Variants in WDR6 observed in about 807,000 individuals in gnomAD.
WDR6 encodes WD repeat domain 6, also known as tRNA (34-2'-O)-methyltransferase regulator WDR6.
WDR6 carries 58 observed loss-of-function variants against 85.6 expected under a neutral mutation model. That is an observed-to-expected ratio of 0.68 (90% CI 0.55 to 0.84). WDR6 has a LOEUF of 0.84. Ranked by LOEUF, WDR6 falls within the 40% of genes least tolerant of loss-of-function variation. The probability of loss-of-function intolerance (pLI) is 0.00; values close to 1 mark genes in which losing one functional copy is unlikely to be tolerated. For synonymous variants in WDR6, 569 were observed against 582.2 expected (o/e 0.98, Z 0.33); for missense variants, 1,310 against 1,476.4 (o/e 0.89, Z 1.85).
Position 49,013,673 on chromosome 3 carries a change from T to C in WDR6, c.2139T>C (p.Ile713=). Residue 713 remains isoleucine, a synonymous_variant, in exon 2 of 6, where the codon ATT becomes ATC. Transcript: ENST00000608424. This position sits in a 1 kb window ranked among gnomAD's most constrained non-coding sequence, Gnocchi z 4.6. ...CTTGTGTAAAGCGTGTGGGCACCAT[T>C]ACCCTGGGGCCTGAATATGGAGTGC... ...EITCVKRVGT[I]TLGPEYGVPS... is the part of the protein sequence containing the mutation. 1 of 1,614,108 alleles carries C rather than the reference T, an allele frequency of 6.2e-7. No individual in the cohort carries two copies. The highest frequency in any genetic ancestry group is 1.7e-5 in the Admixed American group (1 of 60,028).
At position 49,015,458 on chromosome 3, in the gene WDR6, T is replaced by C. The variant is rs76160880; in HGVS notation, c.*170T>C. 1,507 of 1,467,364 alleles carry C rather than the reference T, an allele frequency of 1.0e-3. 5 individuals are homozygous for C. Among genetic ancestry groups the C allele is most frequent in the Middle Eastern group, 1.9e-3 (9 of 4,864 alleles). 90.9% of individuals were successfully genotyped at this position (1,467,364 alleles called of 1,614,324 possible). On this transcript the variant is annotated 3_prime_UTR_variant, in exon 6 of 6. Transcript: ENST00000608424. ...AAGGTGAGTGGAGTGCTGCCAAGAA[T>C]ATGCCCGACTCCCCATGACAAGACA...
intron 1 of WDR6, 138 bp from the exon 2 acceptor site, chr3:49,011,497 A>T (rs779377779): frequency 6.2e-7 from 1 of 1,609,544 alleles, no homozygotes; most frequent in Non-Finnish European, 8.5e-7. Flanking sequence ...AGGATTTTCT[A>T]AGATTCAAGC....
chr3:49,014,088 C>T lies in WDR6; in HGVS notation c.2554C>T (p.Arg852Trp), dbSNP rs754725468. Residue 852 changes from arginine (R) to tryptophan (W), a missense_variant, in exon 2 of 6, where the codon CGG (arginine) becomes TGG (tryptophan). Coordinates refer to ENST00000608424, the MANE Select transcript of WDR6 (RefSeq NM_018031.6). This position sits in a 1 kb window ranked among gnomAD's most constrained non-coding sequence, Gnocchi z 4.9. Reference sequence around the variant, plus strand: ...TTGGGACCGGCAACGCAATCGGCATCGGATGGTTAAGGTAGACCCAGAGAC... The same window carrying T: ...TTGGGACCGGCAACGCAATCGGCATTGGATGGTTAAGGTAGACCCAGAGAC... The part of the protein sequence containing the change: ...EYWDRQRNRH[R>W]MVKVDPETRY... 6 of 1,613,354 alleles carry T rather than the reference C, an allele frequency of 3.7e-6. No individual in the cohort carries two copies. The highest frequency in any genetic ancestry group is 3.3e-5 in the Admixed American group (2 of 60,004).
chr3:49,014,190 G>A lies in WDR6; in HGVS notation c.2583-20G>A. The A allele has an allele frequency of 1.2e-6, 2 of 1,614,190 alleles. No individual in the cohort carries two copies. The highest frequency in any genetic ancestry group is 1.7e-6 in the Non-Finnish European group (2 of 1,180,028). ...CCAGGCTTGCAGGCTCCACCTGACA[G>A]CTGCATGTTGTCTCTGCAGGTACAT... On this transcript the variant is annotated intron_variant, in intron 2 of 5. Coordinates refer to ENST00000608424, the MANE Select transcript of WDR6 (RefSeq NM_018031.6). This position sits in a 1 kb window ranked among gnomAD's most constrained non-coding sequence, Gnocchi z 4.9.
rs1453480039 is a variant in WDR6 at position 49,007,401 on chromosome 3, C to T, written c.-31C>T. The stretch of plus-strand genomic sequence containing the variant: ...CGCGAGAGTTCAGCTCCCTTCTTAG[C>T]CGTGGCTGCCTCAGCACCTCGAGGA... On this transcript the variant is annotated 5_prime_UTR_variant, in exon 1 of 6. Transcript: ENST00000608424. The surrounding 1 kb of genome is among the most constrained non-coding windows in gnomAD (Gnocchi z 5.1). The T allele has an allele frequency of 2.5e-6, 4 of 1,596,820 alleles. No individual in the cohort carries two copies. The highest frequency in any genetic ancestry group is 3.6e-5 in the Admixed American group (2 of 56,116).
Position 49,014,092 on chromosome 3 carries a change from T to C in WDR6, c.2558T>C (p.Met853Thr). 1.2e-6 allele frequency: 2 copies of C among 1,613,182 alleles called. No individual in the cohort carries two copies. The highest frequency in any genetic ancestry group is 2.2e-5 in the South Asian group (2 of 91,078). ...GACCGGCAACGCAATCGGCATCGGA[T>C]GGTTAAGGTAGACCCAGAGACCAGG... ...YWDRQRNRHR[M>T]VKVDPETRYM... Residue 853 changes from methionine (M) to threonine (T), a missense_variant, in exon 2 of 6, where the codon ATG becomes ACG. Transcript: ENST00000608424. This position sits in a 1 kb window ranked among gnomAD's most constrained non-coding sequence, Gnocchi z 4.9.
chr3:49,010,953 G>T (rs1157122432), intron 1 of WDR6, among the ~76,000 whole-genome samples: 2 of 151,058 alleles, frequency 1.3e-5, no homozygotes, highest in African/African-American at 4.9e-5. Flanking sequence ...GGAGATGGAG[G>T]TTGCAGTGAG....
At position 49,014,049 on chromosome 3, in the gene WDR6, C is replaced by T. The variant is rs573477509; in HGVS notation, c.2515C>T (p.Arg839Trp). Reference protein sequence around the residue: ...ACHVMHLSSHRLDEYWDRQRN... With the variant: ...ACHVMHLSSHWLDEYWDRQRN... ...CCATGTCATGCACCTTTCGTCCCAC[C>T]GGCTAGATGAGTATTGGGACCGGCA... The change falls in exon 2 of 6, where the codon CGG (arginine) becomes TGG (tryptophan). Residue 839 changes from arginine (R) to tryptophan (W), a missense_variant. Coordinates refer to ENST00000608424, the MANE Select transcript of WDR6 (RefSeq NM_018031.6). This position sits in a 1 kb window ranked among gnomAD's most constrained non-coding sequence, Gnocchi z 4.9. 1.8e-5 allele frequency: 29 copies of T among 1,612,832 alleles called. No homozygotes were observed. In the South Asian group the frequency reaches 2.7e-4, roughly 15 times the overall value.
In WDR6 at chr3:49,014,440, C is replaced by A; in HGVS notation, c.2724C>A (p.His908Gln). 1.2e-6 allele frequency: 2 copies of A among 1,614,144 alleles called. No individual in the cohort carries two copies. Among genetic ancestry groups the A allele is most frequent in the Non-Finnish European group, 1.7e-6 (2 of 1,180,012 alleles). ...TGCAGCTCCTTGCTGAAACCTTCCACCATAAGCGATGTGTCCTCAAGGTCC... is the reference window on the plus strand; with the variant it reads ...TGCAGCTCCTTGCTGAAACCTTCCAACATAAGCGATGTGTCCTCAAGGTCC... ...RILQLLAETF[H>Q]HKRCVLKVHS... Residue 908 changes from histidine to glutamine, a missense_variant, in exon 4 of 6, where the codon CAC becomes CAA. Transcript: ENST00000608424. This position sits in a 1 kb window ranked among gnomAD's most constrained non-coding sequence, Gnocchi z 4.9.
In WDR6 at chr3:49,013,474, AGCT is replaced by A. The variant is rs1437867628; in HGVS notation, c.1943_1945del (p.Leu648del). ...GTGTGGAACCCTCGGTCACACGAGA[AGCT>A]GCACATCGTCAACTGTGGTGGAGGG... On this transcript the variant is annotated inframe_deletion, in exon 2 of 6. Coordinates refer to ENST00000608424, the MANE Select transcript of WDR6 (RefSeq NM_018031.6). This position sits in a 1 kb window ranked among gnomAD's most constrained non-coding sequence, Gnocchi z 4.6. The A allele has an allele frequency of 6.2e-7, 1 of 1,614,104 alleles. No homozygotes were observed. The highest frequency in any genetic ancestry group is 8.5e-7 in the Non-Finnish European group (1 of 1,180,002).
Position 49,011,828 on chromosome 3 carries a change from C to T in WDR6, c.294C>T (p.Ser98=). 3 of 1,614,198 alleles carry T rather than the reference C, an allele frequency of 1.9e-6. No homozygotes were observed. The highest frequency in any genetic ancestry group is 2.5e-6 in the Non-Finnish European group (3 of 1,180,030). Residue 98 remains serine, a synonymous_variant, in exon 2 of 6, where the codon AGC becomes AGT. Transcript: ENST00000608424. ...AGGGACTCCGAGTTGTGAAAATTAG[C>T]TGGGGACAGGGCCACTTCTGGGAGC... ...GSKGLRVVKI[S]WGQGHFWELW... is the part of the protein sequence containing the mutation.
intron 1 of WDR6, among the ~76,000 whole-genome samples, chr3:49,010,372 C>T (rs903090444): frequency 4.7e-5 from 7 of 150,066 alleles, no homozygotes; most frequent in African/African-American, 1.7e-4. Flanking sequence ...CGCCACAGCA[C>T]TCCAGCTTGG....
At position 49,013,737 on chromosome 3, in the gene WDR6, G is replaced by T; in HGVS notation, c.2203G>T (p.Glu735Ter). 1 of 1,614,078 alleles carries T rather than the reference G, an allele frequency of 6.2e-7. No individual in the cohort carries two copies. The highest frequency in any genetic ancestry group is 8.5e-7 in the Non-Finnish European group (1 of 1,179,944). Residue 735 changes from glutamate to a stop codon, truncating the protein, a stop_gained, in exon 2 of 6, where the codon GAG becomes TAG. Coordinates refer to ENST00000608424, the MANE Select transcript of WDR6 (RefSeq NM_018031.6). LOFTEE classifies it high-confidence loss of function. The surrounding 1 kb of genome is among the most constrained non-coding windows in gnomAD (Gnocchi z 4.6). ...GCCTGATGACCTGGAGCCTGGCAGT[G>T]AGGGGCCCGACTTGACTGACATTGT... ...MQPDDLEPGS[E>*]GPDLTDIVIT...
intron 1 of WDR6, 101 bp from the exon 2 acceptor site, chr3:49,011,526 GATGCATTC>G (rs771543209): frequency 1.2e-6 from 2 of 1,612,060 alleles, no homozygotes; most frequent in Non-Finnish European, 1.7e-6. Flanking sequence ...TGTGTGTCCT[GATGCATTC>G]ATAGGCTACA....
chr3:49,011,132 T>A (rs1192599989), intron 1 of WDR6: 1 of 438,702 alleles, frequency 2.3e-6, no homozygotes, highest in Non-Finnish European at 4.5e-6. Context: ...TCGCCCAGGC[T>A]GGAGTGAAGT....
rs768281077 is a variant in WDR6, at chr3:49,014,367, AC to A, written c.2667-10del. 62 of 1,612,988 alleles carry A rather than the reference AC, an allele frequency of 3.8e-5. No homozygotes were observed. The highest frequency in any genetic ancestry group is 4.2e-5 in the Non-Finnish European group (49 of 1,179,780). On this transcript the variant is annotated splice_polypyrimidine_tract_variant and intron_variant, in intron 3 of 5. Transcript: ENST00000608424. This position sits in a 1 kb window ranked among gnomAD's most constrained non-coding sequence, Gnocchi z 4.9. Reference sequence around the variant, plus strand: ...TCTAGGATGCGTTCTGAGCTGGGCCACCCCCCGCCCCCCAGGCTCTTTCTTT... The same window carrying A: ...TCTAGGATGCGTTCTGAGCTGGGCCACCCCCGCCCCCCAGGCTCTTTCTTT...
rs893038392 is a variant in WDR6, at chr3:49,011,722, A to G, written c.188A>G (p.Tyr63Cys). The G allele has an allele frequency of 1.2e-6, 2 of 1,613,972 alleles. No individual in the cohort carries two copies. The highest frequency in any genetic ancestry group is 1.3e-5 in the African/African-American group (1 of 74,872). Reference protein sequence around the residue: ...IKRVQNLLGHYLIHGFRVRPE... With the variant: ...IKRVQNLLGHCLIHGFRVRPE... ...CGAGTGCAGAACCTGCTTGGCCACT[A>G]TCTTATCCATGGCTTCCGGGTACGG... Residue 63 changes from tyrosine to cysteine, a missense_variant, in exon 2 of 6, where the codon TAT (tyrosine) becomes TGT (cysteine). Tyr to Cys is a radical substitution (Grantham distance 194). Transcript: ENST00000608424.
At position 49,013,109 on chromosome 3, in the gene WDR6, C is replaced by G. The variant is rs2093027225; in HGVS notation, c.1575C>G (p.Leu525=). The G allele has an allele frequency of 6.2e-7, 1 of 1,608,856 alleles. No individual in the cohort carries two copies. Among genetic ancestry groups the G allele is most frequent in the Non-Finnish European group, 8.5e-7 (1 of 1,176,612 alleles). The stretch of plus-strand genomic sequence containing the variant: ...TATTCCCCTCCAGACCAGGTCTGCT[C>G]AAGGACCCTGGGGTGGGAGGCAAGG... ...VLLFPSRPGL[L]KDPGVGGKAR... is the part of the protein sequence containing the mutation. The change falls in exon 2 of 6, where the codon CTC becomes CTG. Residue 525 remains leucine (L), a synonymous_variant. Coordinates refer to ENST00000608424, the MANE Select transcript of WDR6 (RefSeq NM_018031.6). This position sits in a 1 kb window ranked among gnomAD's most constrained non-coding sequence, Gnocchi z 4.6.
rs1202321100 is a variant in WDR6, at chr3:49,013,822, C to T, written c.2288C>T (p.Ser763Leu). The T allele has an allele frequency of 4.3e-6, 7 of 1,614,122 alleles. No homozygotes were observed. Among genetic ancestry groups the T allele is most frequent in the Middle Eastern group, 1.6e-4 (1 of 6,062 alleles). ...CVLALPTTTGSAHALTAVCNH... is the reference protein window; with the variant it reads ...CVLALPTTTGLAHALTAVCNH... ...CTAGCACTCCCTACAACCACAGGCT[C>T]AGCCCACGCACTCACAGCTGTTTGT... The change falls in exon 2 of 6, where the codon TCA (serine) becomes TTA (leucine). Residue 763 changes from serine (S) to leucine (L), a missense_variant. Transcript: ENST00000608424. The surrounding 1 kb of genome is among the most constrained non-coding windows in gnomAD (Gnocchi z 4.6).
Sources: allele counts gnomAD v4.1 joint callset (sites outside exome capture counted in the v4.1 genomes callset), GRCh38; gene constraint gnomAD v4.1.1; non-coding constraint Gnocchi (gnomAD v3.1); transcripts MANE v1.5; gene names NCBI Gene and HGNC (gene_info 2026-07-23, HGNC 2026-07-21).